SSBP2: variants seen among roughly 807,000 people sequenced by gnomAD.
The protein encoded by SSBP2 is single-stranded DNA-binding protein 2.
SSBP2 carries 17 observed loss-of-function variants against 61.8 expected under a neutral mutation model. That is an observed-to-expected ratio of 0.28 (90% CI 0.19 to 0.41). The LOEUF is 0.41. Ranked by LOEUF, SSBP2 falls within the 10% of genes least tolerant of loss-of-function variation. The pLI is 1.00. For missense variants in SSBP2, 310 were observed against 458.7 expected, an observed-to-expected ratio of 0.68 and a Z score of 2.96; for synonymous variants, 139 against 141.3, an observed-to-expected ratio of 0.98 and a Z score of 0.12.
At chr5:81,469,404 T>C (rs147202253) in intron 8 of SSBP2, among the ~76,000 whole-genome samples, 2 of 152,054 alleles carry the variant, frequency 1.3e-5, no homozygotes, top group Non-Finnish European at 2.9e-5. Context: ...CCATTGTTAA[T>C]AAGAAACCAA....
At chr5:81,701,123 A>G (rs528094138) in intron 1 of SSBP2, among the ~76,000 whole-genome samples, 11 of 152,302 alleles carry the variant, frequency 7.2e-5, no homozygotes, top group Admixed American at 5.9e-4. Context: ...TTTAAAGCAA[A>G]AGACATATGA....
At chr5:81,632,837 G>T (rs751308647) in intron 3 of SSBP2, among the ~76,000 whole-genome samples, 3 of 152,118 alleles carry the variant, frequency 2.0e-5, no homozygotes, top group African/African-American at 4.8e-5. Flanking sequence ...ATTTTAAAGA[G>T]TTGACTATAT....
At chr5:81,547,965 T>C (rs4626317) in intron 4 of SSBP2, among the ~76,000 whole-genome samples, 71,015 of 152,112 alleles carry the variant, frequency 0.47, 21,153 homozygotes, top group African/African-American at 0.85. Context: ...GAAACTATTC[T>C]GTATGTTACT....
chr5:81,573,017 G>T (rs1773942756), intron 4 of SSBP2, among the ~76,000 whole-genome samples: 1 of 152,076 alleles, frequency 6.6e-6, no homozygotes, highest in African/African-American at 2.4e-5. Flanking sequence ...ACTTTAAAAA[G>T]ATATTGAAAT....
chr5:81,416,793 G>A lies in SSBP2; in HGVS notation c.*3711C>T, dbSNP rs1761325908. 1 of 152,112 alleles carries A rather than the reference G, an allele frequency of 6.6e-6. No individual in the cohort carries two copies. Among genetic ancestry groups the A allele is most frequent in the Admixed American group, 6.5e-5 (1 of 15,268 alleles). 9.4% of individuals were successfully genotyped at this position (152,112 alleles called of 1,614,324 possible). On this transcript the variant is annotated 3_prime_UTR_variant, in exon 17 of 17. Coordinates refer to ENST00000320672, the MANE Select transcript of SSBP2 (RefSeq NM_012446.5). ...TTTTATTTTATTCTGGAGGGAAAGG[G>A]CTGTTTTGGGCACTTTTCATGGCTG... is the stretch of plus-strand genomic sequence containing the variant.
chr5:81,507,695 G>C (rs951011334), intron 5 of SSBP2, among the ~76,000 whole-genome samples: 1 of 151,886 alleles, frequency 6.6e-6, no homozygotes, highest in African/African-American at 2.4e-5. Context: ...ACATAAAGTA[G>C]GAAAAAGCAT....
At chr5:81,578,933 A>G (rs986953045) in intron 4 of SSBP2, among the ~76,000 whole-genome samples, 2 of 152,098 alleles carry the variant, frequency 1.3e-5, no homozygotes, top group African/African-American at 2.4e-5. Flanking sequence ...TGGAGTACAT[A>G]GACTAAAATT....
chr5:81,531,492 C>T (rs1031608199), intron 4 of SSBP2, among the ~76,000 whole-genome samples: 1 of 151,936 alleles, frequency 6.6e-6, no homozygotes, highest in Non-Finnish European at 1.5e-5. Flanking sequence ...AGAAGCCCAT[C>T]CTGGAAGTTT....
At chr5:81,569,166 T>C (rs1057254613) in intron 4 of SSBP2, among the ~76,000 whole-genome samples, 3 of 152,334 alleles carry the variant, frequency 2.0e-5, no homozygotes, top group Non-Finnish European at 2.9e-5. Flanking sequence ...TAAATTTTCA[T>C]TTTATTTTTA....
intron 1 of SSBP2, among the ~76,000 whole-genome samples, chr5:81,704,302 G>A (rs1247735330): frequency 6.6e-6 from 1 of 152,088 alleles, no homozygotes; most frequent in Admixed American, 6.6e-5. Context: ...AGTTACCTAT[G>A]AGTCTTATGA....
chr5:81,636,677 A>G (rs1246315475), intron 2 of SSBP2, 59 bp from the exon 3 acceptor site: 2 of 1,245,084 alleles, frequency 1.6e-6, no homozygotes, highest in Non-Finnish European at 2.3e-6. Context: ...CACATATTAC[A>G]AAGTAATAAT....
chr5:81,672,138 G>A (rs1751623126), intron 1 of SSBP2, among the ~76,000 whole-genome samples: 1 of 152,026 alleles, frequency 6.6e-6, no homozygotes, highest in African/African-American at 2.4e-5. Context: ...GTGTTTTATA[G>A]CTTATATAAT....
Position 81,481,395 on chromosome 5 carries a change from G to T in SSBP2, c.433-6833C>A, listed in dbSNP as rs1387147965. On this transcript the variant is annotated intron_variant, in intron 6 of 16. Coordinates refer to ENST00000320672, the MANE Select transcript of SSBP2 (RefSeq NM_012446.5). Reference sequence around the variant, plus strand: ...TCAACACTTTGGGAGGCCGAGGGGGGTGGATCACCTGAGGTCAGGAGTTCG... The same window carrying T: ...TCAACACTTTGGGAGGCCGAGGGGGTTGGATCACCTGAGGTCAGGAGTTCG... 3.9e-5 allele frequency among the ~76,000 whole-genome samples: 6 copies of T among 152,182 alleles called. No individual in the cohort carries two copies. The East Asian group carries it at 1.2e-3, about 29-fold the overall frequency.
rs71603598 is a variant in SSBP2, at chr5:81,501,563, C to CTT, written c.372+12063_372+12064dup. Reference sequence around the variant, plus strand: ...TTGTTTCCTTTTCTTTCTTTCTTTTCTTTTTTTTTTTTTTTTTGAGATGGA... The same window carrying CTT: ...TTGTTTCCTTTTCTTTCTTTCTTTTCTTTTTTTTTTTTTTTTTTTGAGATGGA... On this transcript the variant is annotated intron_variant, in intron 5 of 16. Coordinates refer to ENST00000320672, the MANE Select transcript of SSBP2 (RefSeq NM_012446.5). Among the ~76,000 whole-genome samples the CTT allele has an allele frequency of 1.3e-3, 155 of 117,380 alleles. 4 individuals carry two copies. The highest frequency in any genetic ancestry group is 5.9e-3 in the Middle Eastern group (1 of 170). The allele number at this position is 117,380 out of a possible 152,430, so 77.0% of individuals were successfully genotyped here.
At chr5:81,526,094 A>C (rs1045792395) in intron 4 of SSBP2, among the ~76,000 whole-genome samples, 3 of 152,058 alleles carry the variant, frequency 2.0e-5, no homozygotes, top group Non-Finnish European at 4.4e-5. Context: ...AAAAAAGCAC[A>C]TCTCCTCTGA....
chr5:81,515,815 C>T (rs1768977680), intron 4 of SSBP2, among the ~76,000 whole-genome samples: 1 of 151,186 alleles, frequency 6.6e-6, no homozygotes, highest in Admixed American at 6.6e-5. Context: ...AAAAGCAAAA[C>T]AAAATAAATC....
At chr5:81,560,461 CA>C (rs1374966981) in intron 4 of SSBP2, among the ~76,000 whole-genome samples, 1 of 152,152 alleles carries the variant, frequency 6.6e-6, no homozygotes, top group African/African-American at 2.4e-5. Context: ...GGAAGAAGCT[CA>C]GAATCAGTTT....
At chr5:81,528,944 T>C (rs1221210281) in intron 4 of SSBP2, among the ~76,000 whole-genome samples, 2 of 152,088 alleles carry the variant, frequency 1.3e-5, no homozygotes, top group Admixed American at 1.3e-4. Context: ...TAGAAACTGA[T>C]TTATTAAATA....
At chr5:81,668,068 T>C (rs1245064338) in intron 1 of SSBP2, among the ~76,000 whole-genome samples, 1 of 152,014 alleles carries the variant, frequency 6.6e-6, no homozygotes, top group Admixed American at 6.6e-5. Flanking sequence ...TGAGTTACCT[T>C]TTCCAAACTG....
Sources: gnomAD v4.1 joint callset for allele counts (sites outside exome capture counted in the v4.1 genomes callset) on GRCh38, gnomAD v4.1.1 for gene constraint, MANE v1.5 for transcripts, NCBI Gene and HGNC (gene_info 2026-07-23, HGNC 2026-07-21) for gene names.